PGLYRP3: variants seen among roughly 807,000 people sequenced by gnomAD.
PGLYRP3 encodes the protein peptidoglycan recognition protein 3.
A neutral mutation model predicts 36.0 loss-of-function variants in PGLYRP3; 39 were observed. That is an observed-to-expected ratio of 1.08 (90% CI 0.84 to 1.41). The LOEUF is 1.41. Ranked by LOEUF, PGLYRP3 falls within the 40% of genes most tolerant of loss-of-function variation. The pLI is 0.00. For synonymous variants in PGLYRP3, 204 were observed against 172.8 expected (o/e 1.18, Z -1.42); for missense variants, 407 against 427.9 (o/e 0.95, Z 0.43).
chr1:153,310,301 T>C (rs1314612971), intron 2 of PGLYRP3, among the ~76,000 whole-genome samples: 1 of 152,216 alleles, frequency 6.6e-6, no homozygotes. Flanking sequence ...TACTTGGGCA[T>C]TGTGCTAAAT....
rs1159432245 is a variant in PGLYRP3 at position 153,297,451 on chromosome 1, GGAGAGAGA to G, written c.*497_*504del. On this transcript the variant is annotated 3_prime_UTR_variant, in exon 8 of 8. Coordinates refer to ENST00000683862, the MANE Select transcript of PGLYRP3 (RefSeq NM_052891.3). ...TCACCAGGCAGAGGCGGGGAGAGGG[GGAGAGAGA>G]GAGAGAGAGAGAGAGAGTGAGAAAG... Among the ~76,000 whole-genome samples the G allele has an allele frequency of 2.7e-5, 1 of 37,384 alleles. No individual in the cohort carries two copies. The highest frequency in any genetic ancestry group is 1.0e-4 in the African/African-American group (1 of 9,762). The allele number at this position is 37,384 out of a possible 152,430, so 24.5% of individuals were successfully genotyped here.
chr1:153,309,541 A>C (rs1422484225), intron 2 of PGLYRP3, among the ~76,000 whole-genome samples: 1 of 152,202 alleles, frequency 6.6e-6, no homozygotes, highest in Admixed American at 6.5e-5. Flanking sequence ...GGTCTCCACC[A>C]TGATTCTGAG....
intron 3 of PGLYRP3, among the ~76,000 whole-genome samples, chr1:153,306,766 C>T (rs987543126): frequency 6.6e-6 from 1 of 152,200 alleles, no homozygotes; most frequent in Non-Finnish European, 1.5e-5. Context: ...GTGAAGACCT[C>T]TGTAAACTGT....
intron 7 of PGLYRP3, 118 bp from the exon 8 acceptor site, chr1:153,298,252 C>A (rs1659491597): frequency 8.3e-6 from 9 of 1,081,418 alleles, no homozygotes; most frequent in Non-Finnish European, 6.7e-6. Context: ...TCCGCCATCA[C>A]CATAGCCAAC....
intron 2 of PGLYRP3, among the ~76,000 whole-genome samples, chr1:153,307,750 C>G (rs1305959061): frequency 6.6e-6 from 1 of 152,168 alleles, no homozygotes; most frequent in African/African-American, 2.4e-5. Flanking sequence ...GTCTCCTCAA[C>G]TAGGGACTCC....
At chr1:153,302,688 T>G in intron 5 of PGLYRP3, 81 bp from the exon 6 acceptor site, 1 of 1,375,270 alleles carries the variant, frequency 7.3e-7, no homozygotes, top group Non-Finnish European at 1.0e-6. Context: ...GGCTGGATTA[T>G]TCCTCAGCCT....
intron 3 of PGLYRP3, among the ~76,000 whole-genome samples, chr1:153,305,470 T>C (rs760264690): frequency 3.3e-5 from 5 of 152,226 alleles, no homozygotes; most frequent in Non-Finnish European, 7.3e-5. Context: ...TCCTTTTGTA[T>C]TGATGTTTTT....
intron 7 of PGLYRP3, 112 bp from the exon 8 acceptor site, chr1:153,298,246 C>T (rs1162063959): frequency 1.7e-6 from 2 of 1,168,526 alleles, no homozygotes; most frequent in Non-Finnish European, 2.5e-6. Flanking sequence ...CCCCATTCCG[C>T]CATCACCATA....
chr1:153,312,175 C>T (rs560973404), intron 1 of PGLYRP3, among the ~76,000 whole-genome samples: 1 of 152,332 alleles, frequency 6.6e-6, no homozygotes, highest in East Asian at 1.9e-4. Flanking sequence ...ATCAAGGCTT[C>T]AGCCCAGTCC....
rs1283077427 is a variant in PGLYRP3, at chr1:153,297,473, AGAGT to A, written c.*479_*482del. ...GGGGGAGAGAGAGAGAGAGAGAGAG[AGAGT>A]GAGAAAGCAAGAAAGAAGGTGAAAG... On this transcript the variant is annotated 3_prime_UTR_variant, in exon 8 of 8. Transcript: ENST00000683862. 5.1e-5 allele frequency among the ~76,000 whole-genome samples: 7 copies of A among 135,962 alleles called. No individual in the cohort carries two copies. Among genetic ancestry groups the A allele is most frequent in the African/African-American group, 1.4e-4 (5 of 35,712 alleles). The allele number at this position is 135,962 out of a possible 152,430, so 89.2% of individuals were successfully genotyped here. A position where few individuals can be genotyped will look rare whatever the true frequency, so the allele number is the denominator to read the frequency against.
intron 2 of PGLYRP3, 108 bp downstream of exon 2, chr1:153,310,503 T>C (rs1468308526): frequency 8.8e-7 from 1 of 1,141,552 alleles, no homozygotes; most frequent in Non-Finnish European, 1.3e-6. Context: ...AAAGCTACAC[T>C]ATCCACTAAC....
Position 153,307,910 on chromosome 1 carries a change from C to T in PGLYRP3, c.56-643G>A, listed in dbSNP as rs535030546. 5.9e-5 allele frequency among the ~76,000 whole-genome samples: 9 copies of T among 152,218 alleles called. No individual in the cohort carries two copies. The East Asian group carries it at 9.7e-4, about 16-fold the overall frequency. Reference sequence around the variant, plus strand: ...ATTCTCATCATGGGAGCCCCAGGAGCGCTCTGAGGGACAATGGAGACACTG... The same window carrying T: ...ATTCTCATCATGGGAGCCCCAGGAGTGCTCTGAGGGACAATGGAGACACTG... On this transcript the variant is annotated intron_variant, in intron 2 of 7. Coordinates refer to ENST00000683862, the MANE Select transcript of PGLYRP3 (RefSeq NM_052891.3).
At position 153,302,417 on chromosome 1, in the gene PGLYRP3, A is replaced by G. The variant is rs894151055; in HGVS notation, c.720T>C (p.Ile240=). ...GCATTGATCCCACTTACTGATATCC[A>G]ATGTCACAAAAGTTCCGTGTGTCCA... is the stretch of plus-strand genomic sequence containing the variant. ...FHMDTRNFCD[I]GYHFLVGQDG... The change falls in exon 6 of 8, where the codon ATT becomes ATC. Residue 240 remains isoleucine, a synonymous_variant. Transcript: ENST00000683862. 17 of 1,614,136 alleles carry G rather than the reference A, an allele frequency of 1.1e-5. No individual in the cohort carries two copies. Among genetic ancestry groups the G allele is most frequent in the Non-Finnish European group, 1.4e-5 (17 of 1,179,988 alleles).
At chr1:153,298,205 T>C in intron 7 of PGLYRP3, 71 bp from the exon 8 acceptor site, 1 of 1,511,382 alleles carries the variant, frequency 6.6e-7, no homozygotes, top group Non-Finnish European at 9.0e-7. Context: ...GACAAGCACC[T>C]AGATTCCAGT....
Position 153,297,749 on chromosome 1 carries a change from A to T in PGLYRP3, c.*207T>A. ...TAGGTAAAAGAGAGGGGAAGTCTAA[A>T]CTCAGACCAAGAGGGCTGTGAATGC... On this transcript the variant is annotated 3_prime_UTR_variant, in exon 8 of 8. Transcript: ENST00000683862. The T allele has an allele frequency of 1.8e-6, 1 of 545,826 alleles. No homozygotes were observed. Among genetic ancestry groups the T allele is most frequent in the South Asian group, 2.7e-5 (1 of 36,884 alleles). The allele number at this position is 545,826 out of a possible 1,614,324, so 33.8% of individuals were successfully genotyped here. A position where few individuals can be genotyped will look rare whatever the true frequency, so the allele number is the denominator to read the frequency against.
Position 153,310,746 on chromosome 1 carries a change from C to G in PGLYRP3, c.-41-40G>C, listed in dbSNP as rs556030768. 3.1e-6 allele frequency: 4 copies of G among 1,283,150 alleles called. No individual in the cohort carries two copies. The African/African-American group carries it at 4.4e-5, about 14-fold the overall frequency. The allele number at this position is 1,283,150 out of a possible 1,614,324, so 79.5% of individuals were successfully genotyped here. A position where few individuals can be genotyped will look rare whatever the true frequency, so the allele number is the denominator to read the frequency against. On this transcript the variant is annotated intron_variant, in intron 1 of 7. Coordinates refer to ENST00000683862, the MANE Select transcript of PGLYRP3 (RefSeq NM_052891.3). ...AACAGTTAACACAACCATGCTAACTCTGCAAGTGGAGCACCCACCTACTAT... is the reference window on the plus strand; with the variant it reads ...AACAGTTAACACAACCATGCTAACTGTGCAAGTGGAGCACCCACCTACTAT...
At chr1:153,299,258 C>T (rs755745698) in intron 6 of PGLYRP3, 27 bp from the exon 7 acceptor site, 22 of 1,542,698 alleles carry the variant, frequency 1.4e-5, no homozygotes, top group East Asian at 4.5e-5. Context: ...AAAATGAAGA[C>T]AGTCACTCTG....
chr1:153,306,924 G>A, intron 3 of PGLYRP3, 142 bp downstream of exon 3: 1 of 828,318 alleles, frequency 1.2e-6, no homozygotes, highest in South Asian at 1.7e-5. Context: ...TTCGGATTTT[G>A]TTTGATTCCC....
intron 3 of PGLYRP3, among the ~76,000 whole-genome samples, chr1:153,306,299 A>T (rs1438500551): frequency 6.6e-6 from 1 of 152,242 alleles, no homozygotes; most frequent in Non-Finnish European, 1.5e-5. Flanking sequence ...GGACAGCCCC[A>T]TTCCCACTCT....
Sources: allele counts gnomAD v4.1 joint callset (sites outside exome capture counted in the v4.1 genomes callset), GRCh38; gene constraint gnomAD v4.1.1; transcripts MANE v1.5; gene names NCBI Gene and HGNC (gene_info 2026-07-23, HGNC 2026-07-21).